SV2C: variants seen among roughly 807,000 people sequenced by gnomAD.
SV2C encodes synaptic vesicle glycoprotein 2C.
A neutral mutation model predicts 79.7 loss-of-function variants in SV2C; 49 were observed. The observed-to-expected ratio is 0.61, with a 90% CI of 0.49 to 0.78. The LOEUF is 0.78. Among genes scored for constraint, SV2C ranks in the 30% least tolerant of loss-of-function variants. The pLI is 0.00. For synonymous variants in SV2C, 334 were observed against 333.2 expected (o/e 1.00, Z -0.03); for missense variants, 833 against 912.9 (o/e 0.91, Z 1.13).
chr5:75,909,353 G>T, the SV2C span, among the ~76,000 whole-genome samples: 1 of 152,216 alleles, frequency 6.6e-6, no homozygotes, highest in African/African-American at 2.4e-5. Flanking sequence ...TAGTACCACA[G>T]ATATATTTAA....
the SV2C span, among the ~76,000 whole-genome samples, chr5:76,006,877 C>T: frequency 1.2e-3 from 184 of 152,220 alleles, 1 homozygote; most frequent in African/African-American, 4.3e-3. Context: ...CCTATCTATC[C>T]AAATTTCACT....
chr5:76,242,526 T>C (rs540553420), intron 4 of SV2C: 13 of 420,424 alleles, frequency 3.1e-5, no homozygotes, highest in African/African-American at 2.5e-4. Context: ...GTGATTCTTA[T>C]GTAGGTGGTT....
At chr5:76,048,070 GTA>G in the SV2C span, among the ~76,000 whole-genome samples, 18 of 152,138 alleles carry the variant, frequency 1.2e-4, no homozygotes, top group Non-Finnish European at 2.6e-4. Context: ...ATTCCACAAT[GTA>G]TATATACTTC....
chr5:75,871,885 A>ATTC, the SV2C span, among the ~76,000 whole-genome samples: 1 of 147,356 alleles, frequency 6.8e-6, no homozygotes, highest in Non-Finnish European at 1.5e-5. Flanking sequence ...TATTATTATT[A>ATTC]TTATACTTTA....
chr5:76,040,501 A>G, the SV2C span, among the ~76,000 whole-genome samples: 1 of 152,256 alleles, frequency 6.6e-6, no homozygotes, highest in African/African-American at 2.4e-5. Flanking sequence ...AAATTAGAAT[A>G]TTCACTTGAA....
the SV2C span, among the ~76,000 whole-genome samples, chr5:75,938,499 A>T: frequency 6.6e-6 from 1 of 152,210 alleles, no homozygotes; most frequent in African/African-American, 2.4e-5. Flanking sequence ...TACACGGAAT[A>T]ATATGAATGA....
the SV2C span, chr5:75,911,017 C>T: frequency 1.9e-6 from 2 of 1,074,550 alleles, no homozygotes; most frequent in Middle Eastern, 2.0e-4. Context: ...CTACTAGTCC[C>T]TCTACACTTT....
chr5:76,272,462 CT>C (rs575518015), intron 4 of SV2C, among the ~76,000 whole-genome samples: 3 of 152,280 alleles, frequency 2.0e-5, no homozygotes, highest in Middle Eastern at 3.4e-3. Context: ...TATTGTTGGG[CT>C]TTTTGGGTTT....
At chr5:76,245,732 G>A (rs1047632175) in intron 4 of SV2C, among the ~76,000 whole-genome samples, 5 of 152,128 alleles carry the variant, frequency 3.3e-5, no homozygotes, top group Non-Finnish European at 7.4e-5. Flanking sequence ...AATTGCAGCT[G>A]GCTTGGGGCA....
At chr5:76,342,361 G>A (rs1178760172) in intron 12 of SV2C, among the ~76,000 whole-genome samples, 1 of 152,140 alleles carries the variant, frequency 6.6e-6, no homozygotes, top group Non-Finnish European at 1.5e-5. Flanking sequence ...ATCACACCAG[G>A]AGAAGGAGTC....
At chr5:75,898,470 C>T in the SV2C span, among the ~76,000 whole-genome samples, 438 of 152,218 alleles carry the variant, frequency 2.9e-3, 5 homozygotes, top group African/African-American at 9.8e-3. Flanking sequence ...TTCAGTTTGC[C>T]AGTATTTTGT....
the SV2C span, among the ~76,000 whole-genome samples, chr5:75,905,736 C>A: frequency 2.6e-5 from 4 of 151,896 alleles, no homozygotes; most frequent in Admixed American, 2.6e-4. Flanking sequence ...ATGGGACTTG[C>A]ATAACTGTCT....
chr5:76,093,490 C>T (rs1051531750), intron 1 of SV2C, among the ~76,000 whole-genome samples: 3 of 152,218 alleles, frequency 2.0e-5, no homozygotes, highest in Non-Finnish European at 4.4e-5. Flanking sequence ...TCGCTTGTGA[C>T]CAAATTCTAA....
At chr5:76,223,444 CATATATAT>C (rs70979384) in intron 4 of SV2C, among the ~76,000 whole-genome samples, 2,138 of 45,646 alleles carry the variant, frequency 0.047, 68 homozygotes, top group East Asian at 0.11. Context: ...TACATACATA[CATATATAT>C]ATATATATAT....
intron 2 of SV2C, among the ~76,000 whole-genome samples, chr5:76,148,903 C>T (rs77685946): frequency 3.9e-5 from 6 of 152,298 alleles, no homozygotes; most frequent in South Asian, 4.1e-4. Context: ...TTGTTTTAAA[C>T]GTCTTTGAAT....
At chr5:76,004,735 G>C in the SV2C span, among the ~76,000 whole-genome samples, 1 of 152,062 alleles carries the variant, frequency 6.6e-6, no homozygotes, top group Non-Finnish European at 1.5e-5. Flanking sequence ...CTTGTTACCT[G>C]CATGATGACC....
At chr5:75,872,904 TATA>T in the SV2C span, among the ~76,000 whole-genome samples, 20 of 151,642 alleles carry the variant, frequency 1.3e-4, no homozygotes, top group Admixed American at 5.9e-4. Flanking sequence ...AAACTTAAAG[TATA>T]ATAATAATAA....
intron 2 of SV2C, among the ~76,000 whole-genome samples, chr5:76,149,712 GCA>G: frequency 6.6e-6 from 1 of 152,284 alleles, no homozygotes; most frequent in Non-Finnish European, 1.5e-5. Context: ...GCTGAGGGAT[GCA>G]CATTTTTTTC....
chr5:76,159,012 C>T (rs776409787), intron 2 of SV2C, among the ~76,000 whole-genome samples: 3 of 151,906 alleles, frequency 2.0e-5, no homozygotes, highest in Non-Finnish European at 4.4e-5. Flanking sequence ...ATGTAATGTA[C>T]CGTATCAATA....
Sources: gnomAD v4.1 joint callset for allele counts (sites outside exome capture counted in the v4.1 genomes callset) on GRCh38, gnomAD v4.1.1 for gene constraint, MANE v1.5 for transcripts, NCBI Gene and HGNC (gene_info 2026-07-23, HGNC 2026-07-21) for gene names.